HTR1F: variants seen among roughly 807,000 people sequenced by gnomAD.
HTR1F encodes the protein 5-hydroxytryptamine (serotonin) receptor 1F, G protein-coupled.
A neutral mutation model predicts 24.0 loss-of-function variants in HTR1F; 17 were observed. The observed-to-expected ratio is 0.71, with a 90% confidence interval of 0.48 to 1.06. The LOEUF (loss-of-function observed/expected upper bound fraction) is 1.06. Among genes scored for constraint, HTR1F ranks in the 50% least tolerant of loss-of-function variants. HTR1F has a pLI of 0.00. For missense variants in HTR1F, 391 were observed against 427.8 expected, an observed-to-expected ratio of 0.91 and a Z score of 0.76; for synonymous variants, 186 against 156.8, an observed-to-expected ratio of 1.19 and a Z score of -1.39.
chr3:87,893,363 A>T (rs367579614), intron 2 of HTR1F, among the ~76,000 whole-genome samples: 2 of 152,208 alleles, frequency 1.3e-5, no homozygotes, highest in Non-Finnish European at 2.9e-5. Flanking sequence ...TTCCACCTAC[A>T]GTTATGTGCT....
intron 2 of HTR1F, among the ~76,000 whole-genome samples, chr3:87,966,552 G>A (rs1249425801): frequency 2.6e-5 from 4 of 152,020 alleles, no homozygotes; most frequent in African/African-American, 4.8e-5. Flanking sequence ...TCTTAACCTC[G>A]TTTTATGACA....
intron 2 of HTR1F, among the ~76,000 whole-genome samples, chr3:87,830,710 G>A (rs977226074): frequency 1.3e-5 from 2 of 151,946 alleles, no homozygotes; most frequent in African/African-American, 4.8e-5. Flanking sequence ...AAATATTTTG[G>A]ATGTTTTAGA....
chr3:87,939,518 T>A (rs995680389), intron 2 of HTR1F, among the ~76,000 whole-genome samples: 3 of 152,212 alleles, frequency 2.0e-5, no homozygotes, highest in Non-Finnish European at 4.4e-5. Flanking sequence ...TTTTTTTGGT[T>A]GGTAGGCTAT....
chr3:87,875,651 G>A (rs1283172503), intron 2 of HTR1F, among the ~76,000 whole-genome samples: 5 of 151,798 alleles, frequency 3.3e-5, no homozygotes, highest in South Asian at 2.1e-4. Flanking sequence ...TCAGCCAGGC[G>A]CGGTGGCTCA....
intron 2 of HTR1F, among the ~76,000 whole-genome samples, chr3:87,972,441 T>C (rs982923039): frequency 6.6e-6 from 1 of 152,204 alleles, no homozygotes; most frequent in Non-Finnish European, 1.5e-5. Context: ...CTTGAATATA[T>C]TGTCTTCACC....
chr3:87,857,055 T>TGGG (rs1705214341), intron 2 of HTR1F, among the ~76,000 whole-genome samples: 1 of 152,136 alleles, frequency 6.6e-6, no homozygotes, highest in Non-Finnish European at 1.5e-5. Context: ...CTTTATGATA[T>TGGG]GGCTCTACCT....
At chr3:87,948,569 C>T (rs531116344) in intron 2 of HTR1F, among the ~76,000 whole-genome samples, 1 of 151,826 alleles carries the variant, frequency 6.6e-6, no homozygotes, top group African/African-American at 2.4e-5. Context: ...GCAACCTTGA[C>T]CTCCTGGGCG....
intron 2 of HTR1F, among the ~76,000 whole-genome samples, chr3:87,830,670 C>T (rs1704555806): frequency 6.6e-6 from 1 of 152,138 alleles, no homozygotes; most frequent in Non-Finnish European, 1.5e-5. Flanking sequence ...AGCAACATCT[C>T]ACTGAATCTT....
intron 2 of HTR1F, among the ~76,000 whole-genome samples, chr3:87,952,341 TC>T (rs1469573709): frequency 2.0e-5 from 3 of 152,046 alleles, no homozygotes; most frequent in African/African-American, 7.2e-5. Flanking sequence ...ATTTAATTCA[TC>T]CCCAAAGAGC....
At chr3:87,935,831 T>C (rs767659731) in intron 2 of HTR1F, among the ~76,000 whole-genome samples, 4 of 152,022 alleles carry the variant, frequency 2.6e-5, no homozygotes, top group Non-Finnish European at 5.9e-5. Context: ...AAAATTTGGC[T>C]TAATAACATT....
chr3:87,887,222 G>A (rs1705969866), intron 2 of HTR1F, among the ~76,000 whole-genome samples: 7 of 152,070 alleles, frequency 4.6e-5, no homozygotes, highest in Admixed American at 4.6e-4. Context: ...CAAGGAATGG[G>A]GAAAGGATTC....
chr3:87,890,542 T>C (rs979201851), intron 2 of HTR1F, among the ~76,000 whole-genome samples: 1 of 67,810 alleles, frequency 1.5e-5, no homozygotes, highest in Non-Finnish European at 3.2e-5. Flanking sequence ...TCCTGATGCC[T>C]TTTTTTTTTT....
At chr3:87,844,063 A>G (rs1285125559) in intron 2 of HTR1F, among the ~76,000 whole-genome samples, 10 of 148,934 alleles carry the variant, frequency 6.7e-5, no homozygotes, top group African/African-American at 2.2e-4. Flanking sequence ...TGGCTGGGTC[A>G]AATGGTATTT....
At chr3:87,850,018 A>C (rs1575943404) in intron 2 of HTR1F, among the ~76,000 whole-genome samples, 1 of 151,958 alleles carries the variant, frequency 6.6e-6, no homozygotes, top group Non-Finnish European at 1.5e-5. Flanking sequence ...TGGGACTGTA[A>C]ACTAGTTCAA....
intron 2 of HTR1F, among the ~76,000 whole-genome samples, chr3:87,861,401 T>G (rs1195840754): frequency 6.6e-6 from 1 of 152,058 alleles, no homozygotes; most frequent in African/African-American, 2.4e-5. Flanking sequence ...GATGAAGAGC[T>G]TTACCTCCTG....
chr3:87,799,275 C>T (rs989773168), intron 1 of HTR1F, among the ~76,000 whole-genome samples: 2 of 152,120 alleles, frequency 1.3e-5, no homozygotes, highest in South Asian at 2.1e-4. Flanking sequence ...TAATAGTCCC[C>T]TTTTGGTATA....
chr3:87,825,081 T>C (rs1254858293), intron 2 of HTR1F, among the ~76,000 whole-genome samples: 2 of 152,226 alleles, frequency 1.3e-5, no homozygotes, highest in East Asian at 3.8e-4. Flanking sequence ...CATAAAAATA[T>C]GTCATAGCAA....
At chr3:87,984,307 G>C (rs1705614280) in intron 2 of HTR1F, among the ~76,000 whole-genome samples, 1 of 151,938 alleles carries the variant, frequency 6.6e-6, no homozygotes, top group Admixed American at 6.6e-5. Flanking sequence ...TTGTATAATT[G>C]TATTATATGT....
At chr3:87,818,095 T>C (rs774764805) in intron 1 of HTR1F, among the ~76,000 whole-genome samples, 9 of 152,198 alleles carry the variant, frequency 5.9e-5, no homozygotes, top group Non-Finnish European at 1.2e-4. Flanking sequence ...ACGTACTATT[T>C]GCATCTTGTT....
Sources: allele counts gnomAD v4.1 joint callset (sites outside exome capture counted in the v4.1 genomes callset), GRCh38; gene constraint gnomAD v4.1.1; transcripts MANE v1.5; gene names NCBI Gene and HGNC (gene_info 2026-07-23, HGNC 2026-07-21).